Variants in HIPK2 observed in about 807,000 individuals in gnomAD.
HIPK2 encodes the protein homeodomain-interacting protein kinase 2.
A neutral mutation model predicts 113.7 loss-of-function variants in HIPK2; 27 were observed. The ratio of observed to expected loss-of-function variants is 0.24; its 90% CI spans 0.17 to 0.33. The LOEUF is 0.33. Ranked by LOEUF, HIPK2 falls within the 10% of genes least tolerant of loss-of-function variation. The probability of loss-of-function intolerance (pLI) is 1.00; values close to 1 mark genes in which losing one functional copy is unlikely to be tolerated. For missense variants in HIPK2, 1,257 were observed against 1,588.0 expected, an observed-to-expected ratio of 0.79 and a Z score of 3.54; for synonymous variants, 631 against 642.2, an observed-to-expected ratio of 0.98 and a Z score of 0.26.
At chr7:139,614,203 G>A in intron 8 of HIPK2, 83 bp downstream of exon 8, 1 of 1,193,424 alleles carries the variant, frequency 8.4e-7, no homozygotes, top group Non-Finnish European at 1.1e-6. Context: ...ATGAAAATGA[G>A]CGTGACAGAA....
At chr7:139,723,685 C>G (rs1027458584) in intron 1 of HIPK2, among the ~76,000 whole-genome samples, 1 of 152,118 alleles carries the variant, frequency 6.6e-6, no homozygotes, top group Admixed American at 6.5e-5. Context: ...ACTGGAAGAT[C>G]AGACTACAAG....
At chr7:139,769,896 T>C (rs1478674180) in intron 1 of HIPK2, among the ~76,000 whole-genome samples, 2 of 152,192 alleles carry the variant, frequency 1.3e-5, no homozygotes, top group Non-Finnish European at 2.9e-5. Flanking sequence ...CTGATGAATC[T>C]TTTCCTGATG....
At chr7:139,652,690 C>A (rs570667361) in intron 2 of HIPK2, among the ~76,000 whole-genome samples, 1 of 152,304 alleles carries the variant, frequency 6.6e-6, no homozygotes, top group Admixed American at 6.5e-5. Flanking sequence ...TAGACCTCAG[C>A]GGACTCCACT....
At chr7:139,622,863 G>T (rs1394636049) in intron 6 of HIPK2, among the ~76,000 whole-genome samples, 1 of 152,194 alleles carries the variant, frequency 6.6e-6, no homozygotes, top group Non-Finnish European at 1.5e-5. Flanking sequence ...CCCAGATGAA[G>T]TTCTGAATTG....
In HIPK2 at chr7:139,613,495, A is replaced by G; in HGVS notation, c.1991-172T>C. The G allele has an allele frequency of 6.8e-6, 2 of 295,834 alleles. No individual in the cohort carries two copies. Among genetic ancestry groups the G allele is most frequent in the Non-Finnish European group, 1.0e-5 (2 of 199,464 alleles). 18.3% of individuals were successfully genotyped at this position (295,834 alleles called of 1,614,324 possible). On this transcript the variant is annotated intron_variant, in intron 8 of 14. Transcript: ENST00000406875. The surrounding 1 kb of genome is among the most constrained non-coding windows in gnomAD (Gnocchi z 4.2). ...AAGTCTCCCCTTTGGCTTCTAACAA[A>G]TTAAAAAACAAAACTCCTCCTGAAA... is the stretch of plus-strand genomic sequence containing the variant.
intron 1 of HIPK2, among the ~76,000 whole-genome samples, chr7:139,724,101 G>A (rs1795499077): frequency 6.7e-6 from 1 of 148,754 alleles, no homozygotes; most frequent in South Asian, 2.1e-4. Flanking sequence ...ATGCACATAA[G>A]ACATAACAAA....
At chr7:139,682,714 G>T (rs1462498031) in intron 2 of HIPK2, among the ~76,000 whole-genome samples, 2 of 152,236 alleles carry the variant, frequency 1.3e-5, no homozygotes, top group Non-Finnish European at 2.9e-5. Flanking sequence ...CTCAGACTCT[G>T]AGTCAATGGC....
intron 2 of HIPK2, among the ~76,000 whole-genome samples, chr7:139,674,153 G>A (rs534415472): frequency 6.6e-6 from 1 of 151,776 alleles, no homozygotes; most frequent in East Asian, 1.9e-4. Flanking sequence ...ATATAAAAAA[G>A]ACGGTGCCAA....
intron 2 of HIPK2, among the ~76,000 whole-genome samples, chr7:139,648,157 T>C (rs1236256830): frequency 6.6e-6 from 1 of 152,206 alleles, no homozygotes; most frequent in Admixed American, 6.5e-5. Flanking sequence ...GTCTAGTTCC[T>C]TTTCATTTGG....
chr7:139,746,904 G>A (rs373071042), intron 1 of HIPK2, among the ~76,000 whole-genome samples: 2 of 152,140 alleles, frequency 1.3e-5, no homozygotes, highest in East Asian at 1.9e-4. Flanking sequence ...CGCTTGTCTC[G>A]GGGTTAGAGA....
chr7:139,587,334 A>ACCAAAAATTAGCCGGGAGTGGTGGTGGGG (rs567049132), intron 12 of HIPK2, among the ~76,000 whole-genome samples: 2,374 of 151,656 alleles, frequency 0.016, 21 homozygotes, highest in Middle Eastern at 0.034. Context: ...TACTAAAAAT[A>ACCAAAAATTAGCCGGGAGTGGTGGTGGGG]CCAAAAATTA....
intron 1 of HIPK2, among the ~76,000 whole-genome samples, chr7:139,760,104 G>A (rs1372269921): frequency 6.6e-6 from 1 of 151,332 alleles, no homozygotes; most frequent in East Asian, 1.9e-4. Context: ...CCAGGTTCAC[G>A]CCATTCTCCT....
intron 1 of HIPK2, among the ~76,000 whole-genome samples, chr7:139,770,907 T>C (rs746200312): frequency 6.6e-6 from 1 of 152,224 alleles, no homozygotes; most frequent in Non-Finnish European, 1.5e-5. Flanking sequence ...ACCACAAAGA[T>C]ATTTTGGAGT....
rs1165430128 is a variant in HIPK2, at chr7:139,604,086, G to A, written c.2250C>T (p.Asp750=). The A allele has an allele frequency of 6.2e-7, 1 of 1,613,676 alleles. No individual in the cohort carries two copies. The highest frequency in any genetic ancestry group is 1.3e-5 in the African/African-American group (1 of 74,876). The change falls in exon 10 of 15, where the codon GAC becomes GAT. Residue 750 remains aspartate (D), a synonymous_variant. Transcript: ENST00000406875. ...TAGAGGGGTTTCCTGCTTACCTCCAGTCCGCCAGCTGCTGGGTGCCTGCCA... is the reference window on the plus strand; with the variant it reads ...TAGAGGGGTTTCCTGCTTACCTCCAATCCGCCAGCTGCTGGGTGCCTGCCA... The part of the protein sequence containing the change: ...ETMAGTQQLA[D]WRNTHAHGSH...
chr7:139,670,730 CT>C, intron 2 of HIPK2, among the ~76,000 whole-genome samples: 1 of 86,748 alleles, frequency 1.2e-5, no homozygotes, highest in Non-Finnish European at 2.4e-5. Context: ...ATTTCTTTTT[CT>C]TTTCTTTCTT....
At chr7:139,739,371 G>A (rs572870076) in intron 1 of HIPK2, among the ~76,000 whole-genome samples, 2 of 152,264 alleles carry the variant, frequency 1.3e-5, no homozygotes, top group South Asian at 2.1e-4. Flanking sequence ...CAGATCACAT[G>A]AGGCCAGGAG....
At chr7:139,720,529 C>T (rs942225731) in intron 1 of HIPK2, among the ~76,000 whole-genome samples, 1 of 152,190 alleles carries the variant, frequency 6.6e-6, no homozygotes, top group Non-Finnish European at 1.5e-5. Context: ...TCCCACTGTT[C>T]TTTTTGTTCA....
chr7:139,614,554 T>C lies in HIPK2; in HGVS notation c.1783-61A>G, dbSNP rs557364450. On this transcript the variant is annotated intron_variant, in intron 7 of 14. Transcript: ENST00000406875. Reference sequence around the variant, plus strand: ...AAAATAAAAAATGAGGGAGGTGGCATGTTGGGAGACACGAATCTAAATCAA... The same window carrying C: ...AAAATAAAAAATGAGGGAGGTGGCACGTTGGGAGACACGAATCTAAATCAA... The C allele has an allele frequency of 2.2e-3, 2,199 of 1,021,912 alleles. 12 individuals are homozygous for C. The highest frequency in any genetic ancestry group is 2.7e-3 in the Non-Finnish European group (2,068 of 768,192). The allele number at this position is 1,021,912 out of a possible 1,614,324, so 63.3% of individuals were successfully genotyped here.
chr7:139,632,266 T>C (rs1418640669), intron 2 of HIPK2, among the ~76,000 whole-genome samples: 2 of 152,192 alleles, frequency 1.3e-5, no homozygotes, highest in East Asian at 3.8e-4. Context: ...TCCTTCTGCC[T>C]CAGCCTCCTG....
Sources: gnomAD v4.1 joint callset for allele counts (sites outside exome capture counted in the v4.1 genomes callset) on GRCh38, gnomAD v4.1.1 for gene constraint, Gnocchi (gnomAD v3.1) non-coding constraint, MANE v1.5 for transcripts, NCBI Gene and HGNC (gene_info 2026-07-23, HGNC 2026-07-21) for gene names.